DLGAP2: variants seen among roughly 807,000 people sequenced by gnomAD.
DLGAP2 encodes DLG associated protein 2.
In DLGAP2, 26 loss-of-function variants were observed where a neutral mutation model predicts 100.3. The ratio of observed to expected loss-of-function variants is 0.26; its 90% CI spans 0.19 to 0.36. The LOEUF is 0.36. Among genes scored for constraint, DLGAP2 ranks in the 10% least tolerant of loss-of-function variants. The probability of loss-of-function intolerance (pLI) is 1.00; values close to 1 mark genes in which losing one functional copy is unlikely to be tolerated. For synonymous variants in DLGAP2, 886 were observed against 630.1 expected (o/e 1.41, Z -6.08); for missense variants, 1,858 against 1,453.2 (o/e 1.28, Z -4.53).
intron 3 of DLGAP2, among the ~76,000 whole-genome samples, chr8:1,280,095 T>C (rs1799786682): frequency 6.6e-6 from 1 of 152,242 alleles, no homozygotes; most frequent in African/African-American, 2.4e-5. Context: ...GGTATGTGAA[T>C]GCTCTTGGGA....
At chr8:1,274,269 G>C (rs1004597653) in intron 3 of DLGAP2, among the ~76,000 whole-genome samples, 4 of 151,956 alleles carry the variant, frequency 2.6e-5, no homozygotes, top group Admixed American at 1.3e-4. Context: ...CCCACCATAA[G>C]TGTACTGGAA....
intron 1 of DLGAP2, among the ~76,000 whole-genome samples, chr8:758,846 T>C (rs1305752751): frequency 6.6e-6 from 1 of 152,032 alleles, no homozygotes; most frequent in African/African-American, 2.4e-5. Context: ...CAGATGTGAG[T>C]CACCATGCCC....
At chr8:1,056,950 C>G (rs1802899575) in intron 2 of DLGAP2, among the ~76,000 whole-genome samples, 1 of 152,200 alleles carries the variant, frequency 6.6e-6, no homozygotes, top group African/African-American at 2.4e-5. Context: ...TGAGAATTTC[C>G]TAACGATAAA....
intron 2 of DLGAP2, among the ~76,000 whole-genome samples, chr8:1,091,807 C>T (rs1031440953): frequency 2.6e-4 from 39 of 151,900 alleles, no homozygotes; most frequent in Admixed American, 2.2e-3. Context: ...TACCCCTCCG[C>T]AGCCCCTGTA....
intron 3 of DLGAP2, among the ~76,000 whole-genome samples, chr8:1,471,474 C>G (rs1798789099): frequency 6.6e-6 from 1 of 151,782 alleles, no homozygotes; most frequent in African/African-American, 2.4e-5. Flanking sequence ...GCCTCCTCAC[C>G]TCTGTCAGAG....
At position 1,355,474 on chromosome 8, in the gene DLGAP2, C is replaced by G. The variant is rs141388648; in HGVS notation, c.106+96591C>G. The stretch of plus-strand genomic sequence containing the variant: ...CCACCTCCCGGGTTCAAGCGATTCT[C>G]CTGCCTCAACCTCCTGAGTAGCTGG... On this transcript the variant is annotated intron_variant, in intron 3 of 14. Transcript: ENST00000637795. Among the ~76,000 whole-genome samples, 652 of 152,148 alleles carry G rather than the reference C, an allele frequency of 4.3e-3. 8 individuals are homozygous for G. The highest frequency in any genetic ancestry group is 0.015 in the African/African-American group (625 of 41,454).
intron 2 of DLGAP2, among the ~76,000 whole-genome samples, chr8:1,195,839 A>G (rs778421728): frequency 6.6e-6 from 1 of 152,204 alleles, no homozygotes; most frequent in Non-Finnish European, 1.5e-5. Context: ...AGCGGTAGAT[A>G]CGTTCTGCGA....
intron 2 of DLGAP2, among the ~76,000 whole-genome samples, chr8:1,203,701 C>G (rs1437100720): frequency 6.6e-6 from 1 of 152,212 alleles, no homozygotes; most frequent in Admixed American, 6.5e-5. Flanking sequence ...CTTATTCTCG[C>G]TCTATACCCA....
intron 1 of DLGAP2, among the ~76,000 whole-genome samples, chr8:812,502 G>A (rs1796391177): frequency 2.6e-5 from 4 of 152,198 alleles, no homozygotes; most frequent in South Asian, 2.1e-4. Context: ...TGCGTTGAGC[G>A]TGGGAGAAAT....
chr8:1,262,435 A>G (rs1454877885), intron 3 of DLGAP2: 1 of 152,206 alleles, frequency 6.6e-6, no homozygotes, highest in East Asian at 1.9e-4. Flanking sequence ...CAGCCCAACT[A>G]AATCCTTGAA....
At chr8:1,117,288 G>T (rs1167803893) in intron 2 of DLGAP2, among the ~76,000 whole-genome samples, 1 of 152,210 alleles carries the variant, frequency 6.6e-6, no homozygotes, top group African/African-American at 2.4e-5. Flanking sequence ...GGGCAGGTGT[G>T]CAGACAGATC....
chr8:1,487,883 G>A (rs1025399206), intron 3 of DLGAP2, among the ~76,000 whole-genome samples: 3 of 152,142 alleles, frequency 2.0e-5, no homozygotes, highest in East Asian at 1.9e-4. Flanking sequence ...GGAGGACAGC[G>A]GTCACCACAG....
At chr8:1,641,441 C>CT (rs1256437411) in intron 8 of DLGAP2, among the ~76,000 whole-genome samples, 2 of 152,176 alleles carry the variant, frequency 1.3e-5, no homozygotes, top group Admixed American at 1.3e-4. Flanking sequence ...CTGGGATGAT[C>CT]TCCCAGGTAA....
At chr8:1,166,624 G>A (rs975347059) in intron 2 of DLGAP2, among the ~76,000 whole-genome samples, 1 of 152,036 alleles carries the variant, frequency 6.6e-6, no homozygotes, top group Non-Finnish European at 1.5e-5. Context: ...CTAAGAATAC[G>A]GAGTCTCCTG....
chr8:763,784 T>A (rs1257424367), intron 1 of DLGAP2, among the ~76,000 whole-genome samples: 1 of 152,034 alleles, frequency 6.6e-6, no homozygotes, highest in Non-Finnish European at 1.5e-5. Flanking sequence ...CGATACTTGG[T>A]GGTAGAATTT....
intron 3 of DLGAP2, among the ~76,000 whole-genome samples, chr8:1,435,823 C>A (rs1007812058): frequency 6.6e-6 from 1 of 151,446 alleles, no homozygotes; most frequent in Non-Finnish European, 1.5e-5. Context: ...CCTGACCCTG[C>A]GCAGGTAGAG....
At chr8:1,212,656 G>A (rs575792813) in intron 2 of DLGAP2, among the ~76,000 whole-genome samples, 1 of 152,242 alleles carries the variant, frequency 6.6e-6, no homozygotes, top group South Asian at 2.1e-4. Flanking sequence ...CTGGGTTTTG[G>A]AGGACTGTTG....
chr8:1,563,674 C>A (rs574166912), intron 5 of DLGAP2, among the ~76,000 whole-genome samples: 1 of 152,074 alleles, frequency 6.6e-6, no homozygotes, highest in Non-Finnish European at 1.5e-5. Flanking sequence ...CAGAAATGAG[C>A]ATGCCTCTCC....
At chr8:999,063 C>T (rs1800867101) in intron 2 of DLGAP2, among the ~76,000 whole-genome samples, 1 of 152,124 alleles carries the variant, frequency 6.6e-6, no homozygotes, top group Admixed American at 6.5e-5. Flanking sequence ...CCATGCTGTG[C>T]CTATGTGATT....
Sources: allele counts gnomAD v4.1 joint callset (sites outside exome capture counted in the v4.1 genomes callset), GRCh38; gene constraint gnomAD v4.1.1; transcripts MANE v1.5; gene names NCBI Gene and HGNC (gene_info 2026-07-23, HGNC 2026-07-21).